The following C9 variants were observed in gnomAD, a reference collection of about 807,000 sequenced individuals.
C9 encodes the protein complement component C9.
Under a neutral mutation model 65.4 loss-of-function variants are expected in C9, and 63 were observed. The observed-to-expected ratio is 0.96, with a 90% CI of 0.79 to 1.19. C9 has a LOEUF of 1.19. C9 is among the 50% of genes most tolerant of loss of function. The probability of loss-of-function intolerance (pLI) is 0.00; values close to 1 mark genes in which losing one functional copy is unlikely to be tolerated. For synonymous variants in C9, 229 were observed against 227.9 expected (o/e 1.00, Z -0.04); for missense variants, 744 against 670.1 (o/e 1.11, Z -1.22).
chr5:39,331,246 G>C (rs534293558), intron 5 of C9, among the ~76,000 whole-genome samples: 1 of 152,226 alleles, frequency 6.6e-6, no homozygotes, highest in South Asian at 2.1e-4. Context: ...TAAGGTGAGT[G>C]AAAATAGCCA....
chr5:39,350,309 C>A (rs1432282003), intron 1 of C9, among the ~76,000 whole-genome samples: 5 of 152,172 alleles, frequency 3.3e-5, no homozygotes, highest in Admixed American at 6.5e-5. Flanking sequence ...GTGGGGATTA[C>A]AATTCAACGT....
intron 1 of C9, among the ~76,000 whole-genome samples, chr5:39,349,898 T>C (rs1482976007): frequency 1.3e-5 from 2 of 152,190 alleles, no homozygotes; most frequent in Non-Finnish European, 1.5e-5. Context: ...TCGAGATCCT[T>C]TCCTTGGATG....
chr5:39,337,658 T>G (rs553380628), intron 4 of C9, among the ~76,000 whole-genome samples: 1 of 152,370 alleles, frequency 6.6e-6, no homozygotes, highest in East Asian at 1.9e-4. Context: ...TCACAAAAAA[T>G]AATTCCTTGC....
chr5:39,294,762 A>G, intron 9 of C9, among the ~76,000 whole-genome samples: 1 of 151,858 alleles, frequency 6.6e-6, no homozygotes, highest in Non-Finnish European at 1.5e-5. Context: ...GACACAACAC[A>G]CAAAAAAACC....
intron 9 of C9, among the ~76,000 whole-genome samples, chr5:39,293,341 C>G (rs1048087549): frequency 2.0e-5 from 3 of 151,756 alleles, no homozygotes; most frequent in African/African-American, 7.3e-5. Flanking sequence ...TAAAGACATA[C>G]ATAGATGGGA....
In C9 at chr5:39,342,325, C is replaced by A. The variant is rs138644534; in HGVS notation, c.78-129G>T. 270 of 625,014 alleles carry A rather than the reference C, an allele frequency of 4.3e-4. 2 individuals are homozygous for A. Among genetic ancestry groups the A allele is most frequent in the African/African-American group, 4.0e-3 (222 of 55,168 alleles). The allele number at this position is 625,014 out of a possible 1,614,324, so 38.7% of individuals were successfully genotyped here. A position where few individuals can be genotyped will look rare whatever the true frequency, so the allele number is the denominator to read the frequency against. On this transcript the variant is annotated intron_variant, in intron 1 of 10. Coordinates refer to ENST00000263408, the MANE Select transcript of C9 (RefSeq NM_001737.5). ...TATACCACTTATCTTTTTACTATAT[C>A]TCTCATTTCACCCTCAATTGCATGC...
At position 39,311,283 on chromosome 5, in the gene C9, T is replaced by A; in HGVS notation, c.965A>T (p.Asp322Val). Residue 322 changes from aspartate (D) to valine (V), a missense_variant, in exon 7 of 11, where the codon GAT (aspartate) becomes GTT (valine). Coordinates refer to ENST00000263408, the MANE Select transcript of C9 (RefSeq NM_001737.5). ...DVVLTTTFVD[D>V]IKALPTTYEK... The stretch of plus-strand genomic sequence containing the variant: ...ATAGGTAGTTGGCAAAGCTTTTATA[T>A]CATCCACAAAAGTTGTTGTGAGCAC... The A allele has an allele frequency of 9.9e-6, 16 of 1,613,832 alleles. No individual in the cohort carries two copies. Among genetic ancestry groups the A allele is most frequent in the Non-Finnish European group, 1.3e-5 (15 of 1,179,758 alleles).
chr5:39,357,584 A>G (rs1754432157), intron 1 of C9, among the ~76,000 whole-genome samples: 1 of 152,232 alleles, frequency 6.6e-6, no homozygotes, highest in Non-Finnish European at 1.5e-5. Flanking sequence ...GCTAGAAAAT[A>G]CAACATGCAA....
At chr5:39,359,722 A>G (rs191063480) in intron 1 of C9, among the ~76,000 whole-genome samples, 2 of 152,322 alleles carry the variant, frequency 1.3e-5, no homozygotes, top group East Asian at 3.9e-4. Context: ...GCTTCACAGG[A>G]GCATCACAGG....
chr5:39,329,025 A>C (rs953271911), intron 5 of C9, among the ~76,000 whole-genome samples: 4 of 152,220 alleles, frequency 2.6e-5, no homozygotes, highest in African/African-American at 9.6e-5. Flanking sequence ...TTACATTTTC[A>C]TGGAGACTCA....
chr5:39,330,771 T>C (rs1010836362), intron 5 of C9, among the ~76,000 whole-genome samples: 1 of 152,138 alleles, frequency 6.6e-6, no homozygotes, highest in African/African-American at 2.4e-5. Flanking sequence ...AAAAAAAACA[T>C]GCCAGTCAAA....
chr5:39,285,700 C>CTTT (rs35852227), intron 10 of C9, among the ~76,000 whole-genome samples: 4 of 144,010 alleles, frequency 2.8e-5, no homozygotes, highest in South Asian at 4.4e-4. Flanking sequence ...TGTTTTGTTT[C>CTTT]TTTTTTTTTT....
At chr5:39,362,848 A>G (rs1368159327) in intron 1 of C9, among the ~76,000 whole-genome samples, 1 of 152,182 alleles carries the variant, frequency 6.6e-6, no homozygotes, top group African/African-American at 2.4e-5. Flanking sequence ...GAGCATTCAG[A>G]GCAGGGCAAC....
At chr5:39,320,872 T>C (rs939122101) in intron 5 of C9, among the ~76,000 whole-genome samples, 8 of 152,120 alleles carry the variant, frequency 5.3e-5, no homozygotes, top group Non-Finnish European at 1.0e-4. Context: ...TGAGATGATA[T>C]ATTCAAGAGT....
chr5:39,307,088 C>A (rs777035147), intron 8 of C9, among the ~76,000 whole-genome samples: 1 of 152,092 alleles, frequency 6.6e-6, no homozygotes, highest in African/African-American at 2.4e-5. Flanking sequence ...CATGTACTCA[C>A]GGGAACTAAA....
intron 7 of C9, among the ~76,000 whole-genome samples, chr5:39,309,935 T>G (rs1022072392): frequency 6.6e-6 from 1 of 152,178 alleles, no homozygotes; most frequent in Non-Finnish European, 1.5e-5. Context: ...ATTTTCAAGT[T>G]ACTCAAGACC....
chr5:39,322,325 A>G (rs79770061), intron 5 of C9, among the ~76,000 whole-genome samples: 4,482 of 152,094 alleles, frequency 0.029, 202 homozygotes, highest in African/African-American at 0.099. Context: ...GAACTTATGG[A>G]ATGCAGCATA....
chr5:39,353,014 G>A (rs193288589), intron 1 of C9, among the ~76,000 whole-genome samples: 1 of 152,140 alleles, frequency 6.6e-6, no homozygotes, highest in Admixed American at 6.5e-5. Context: ...CTGATTACAC[G>A]GGCTCTTTAA....
intron 9 of C9, among the ~76,000 whole-genome samples, chr5:39,298,459 C>T (rs1024470336): frequency 1.3e-5 from 2 of 151,602 alleles, no homozygotes; most frequent in Admixed American, 6.6e-5. Context: ...ATTAACAATA[C>T]CAGGAATCCA....
Sources: allele counts gnomAD v4.1 joint callset (sites outside exome capture counted in the v4.1 genomes callset), GRCh38; gene constraint gnomAD v4.1.1; transcripts MANE v1.5; gene names NCBI Gene and HGNC (gene_info 2026-07-23, HGNC 2026-07-21).